FRYL: variants seen among roughly 807,000 people sequenced by gnomAD.
FRYL encodes protein furry homolog-like.
A neutral mutation model predicts 351.2 loss-of-function variants in FRYL; 150 were observed. That is an observed-to-expected ratio of 0.43 (90% CI 0.37 to 0.49). The LOEUF (loss-of-function observed/expected upper bound fraction) is 0.49. FRYL is among the 20% of genes least tolerant of loss of function. The pLI, the probability that FRYL is intolerant of heterozygous loss-of-function variation, is 0.00. For synonymous variants in FRYL, 1,153 were observed against 1,257.1 expected (o/e 0.92, Z 1.75); for missense variants, 3,036 against 3,619.3 (o/e 0.84, Z 4.13).
intron 3 of FRYL, among the ~76,000 whole-genome samples, chr4:48,681,709 A>G (rs1014197772): frequency 2.6e-5 from 4 of 152,310 alleles, no homozygotes; most frequent in African/African-American, 9.6e-5. Context: ...ATTACAATCA[A>G]TGATACTTAT....
chr4:48,548,582 A>G (rs939167638), intron 40 of FRYL, 108 bp downstream of exon 40: 16 of 672,952 alleles, frequency 2.4e-5, no homozygotes, highest in Admixed American at 1.9e-4. Flanking sequence ...TGGAAATAAC[A>G]TAAAAATAAC....
At chr4:48,505,337 A>G (rs1720666453) in intron 60 of FRYL, 1 of 613,176 alleles carries the variant, frequency 1.6e-6, no homozygotes, top group African/African-American at 1.8e-5. Flanking sequence ...TTCAGTCACA[A>G]GCTGGTCGTT....
At chr4:48,713,123 T>A (rs897100298) in intron 1 of FRYL, among the ~76,000 whole-genome samples, 7 of 151,654 alleles carry the variant, frequency 4.6e-5, no homozygotes, top group Non-Finnish European at 8.8e-5. Flanking sequence ...CGCTGCAAAA[T>A]CATGCCAAAA....
chr4:48,635,766 A>C (rs1754094573), intron 3 of FRYL, among the ~76,000 whole-genome samples: 1 of 152,162 alleles, frequency 6.6e-6, no homozygotes. Context: ...TTCAGGGAGA[A>C]TCTGCAAGTT....
chr4:48,778,334 A>AAT (rs34496000), intron 1 of FRYL, among the ~76,000 whole-genome samples: 2 of 38,848 alleles, frequency 5.1e-5, no homozygotes, highest in South Asian at 1.4e-3. Flanking sequence ...CTGCTTTAAT[A>AAT]AAAAAAAAAA....
At chr4:48,744,278 CA>C (rs1187022448) in intron 1 of FRYL, among the ~76,000 whole-genome samples, 1 of 151,786 alleles carries the variant, frequency 6.6e-6, no homozygotes, top group Non-Finnish European at 1.5e-5. Context: ...GTATACTTTG[CA>C]AAGGTGAATT....
At chr4:48,651,299 G>C (rs1349859743) in intron 3 of FRYL, among the ~76,000 whole-genome samples, 8 of 53,902 alleles carry the variant, frequency 1.5e-4, no homozygotes, top group Admixed American at 1.0e-3. Flanking sequence ...CTGTGTGTGT[G>C]TGTGTGTGTG....
chr4:48,679,836 T>C (rs546971752), intron 3 of FRYL, among the ~76,000 whole-genome samples: 14 of 152,160 alleles, frequency 9.2e-5, no homozygotes, highest in South Asian at 2.1e-4. Flanking sequence ...TAAAATGTAA[T>C]ATAATTTTAA....
At chr4:48,524,168 A>T (rs1725486349) in intron 53 of FRYL, among the ~76,000 whole-genome samples, 1 of 152,020 alleles carries the variant, frequency 6.6e-6, no homozygotes, top group South Asian at 2.1e-4. Flanking sequence ...TCCAGATTAG[A>T]AGTTTTCAAA....
chr4:48,773,460 A>G (rs770150872), intron 1 of FRYL, among the ~76,000 whole-genome samples: 12 of 152,174 alleles, frequency 7.9e-5, no homozygotes, highest in Non-Finnish European at 1.8e-4. Flanking sequence ...ATTGCCCTTT[A>G]TTTGAGTCCA....
At chr4:48,607,445 T>A (rs1346793109) in intron 9 of FRYL, among the ~76,000 whole-genome samples, 1 of 152,192 alleles carries the variant, frequency 6.6e-6, no homozygotes, top group Non-Finnish European at 1.5e-5. Flanking sequence ...CATGACTATA[T>A]TCTTTAGCAC....
intron 53 of FRYL, 30 bp from the exon 54 acceptor site, chr4:48,523,134 C>T: frequency 6.8e-7 from 1 of 1,473,298 alleles, no homozygotes; most frequent in Non-Finnish European, 9.5e-7. Flanking sequence ...TTTCTAAAAC[C>T]TCAAATACAT....
intron 1 of FRYL, among the ~76,000 whole-genome samples, chr4:48,777,671 T>C (rs1776161622): frequency 6.6e-6 from 1 of 152,256 alleles, no homozygotes; most frequent in Non-Finnish European, 1.5e-5. Context: ...TTTATTCATA[T>C]GTTCTCTTCT....
rs1772293996 is a variant in FRYL at position 48,743,063 on chromosome 4, T to C, written c.-383-32365A>G. On this transcript the variant is annotated intron_variant, in intron 1 of 63. Transcript: ENST00000358350. ...TGAACTCCTGACCTCAAGTGATCCATCTGACTCAGCCTCCCAAAGTGCTGG... is the reference window on the plus strand; with the variant it reads ...TGAACTCCTGACCTCAAGTGATCCACCTGACTCAGCCTCCCAAAGTGCTGG... Among the ~76,000 whole-genome samples, 7 of 144,110 alleles carry C rather than the reference T, an allele frequency of 4.9e-5. 3 individuals are homozygous for C. 94.5% of individuals were successfully genotyped at this position (144,110 alleles called of 152,430 possible). A position where few individuals can be genotyped will look rare whatever the true frequency, so the allele number is the denominator to read the frequency against.
intron 1 of FRYL, among the ~76,000 whole-genome samples, chr4:48,711,107 G>C (rs1452524191): frequency 6.6e-6 from 1 of 152,212 alleles, no homozygotes; most frequent in Non-Finnish European, 1.5e-5. Context: ...AATAGGAACA[G>C]CTCCGGTCTA....
rs17656010 is a variant in FRYL, at chr4:48,539,956, A to G, written c.6393+15T>C. On this transcript the variant is annotated intron_variant, in intron 47 of 63. Transcript: ENST00000358350. The stretch of plus-strand genomic sequence containing the variant: ...TTTCCCTATAGTGTTACCTTTCAGC[A>G]TAACATTTGCTTACCTTTGCTATTC... 0.44 allele frequency: 688,883 copies of G among 1,569,720 alleles called. 155,939 individuals carry two copies. Among genetic ancestry groups the G allele is most frequent in the Admixed American group, 0.59 (35,302 of 59,400 alleles).
In FRYL at chr4:48,726,103, G is replaced by C. The variant is rs149835007; in HGVS notation, c.-383-15405C>G. 7.8e-3 allele frequency among the ~76,000 whole-genome samples: 1,191 copies of C among 152,296 alleles called. 8 individuals carry two copies. The highest frequency in any genetic ancestry group is 0.011 in the Non-Finnish European group (719 of 68,036). On this transcript the variant is annotated intron_variant, in intron 1 of 63. Transcript: ENST00000358350. Reference sequence around the variant, plus strand: ...AAAGATGTGAAAGGCAAAACTACTTGCTTTTCTAAGATATAAGTTCTTTTT... The same window carrying C: ...AAAGATGTGAAAGGCAAAACTACTTCCTTTTCTAAGATATAAGTTCTTTTT...
intron 3 of FRYL, among the ~76,000 whole-genome samples, chr4:48,661,239 C>T (rs1242487294): frequency 6.6e-6 from 1 of 152,138 alleles, no homozygotes; most frequent in Non-Finnish European, 1.5e-5. Flanking sequence ...CTACTTCTAG[C>T]CCTGAGGGAG....
chr4:48,618,234 C>G (rs891290850), intron 7 of FRYL: 3 of 152,198 alleles, frequency 2.0e-5, no homozygotes, highest in Non-Finnish European at 4.4e-5. Flanking sequence ...CTTTAATTAA[C>G]TCTTCTGTTT....
Sources: allele counts gnomAD v4.1 joint callset (sites outside exome capture counted in the v4.1 genomes callset), GRCh38; gene constraint gnomAD v4.1.1; transcripts MANE v1.5; gene names NCBI Gene and HGNC (gene_info 2026-07-23, HGNC 2026-07-21).